Variants in SPATA17 observed in about 807,000 individuals in gnomAD.
SPATA17 encodes spermatogenesis associated 17, also known as spermatogenesis-associated protein 17.
In SPATA17, 53 loss-of-function variants were observed where a neutral mutation model predicts 62.2. That is an observed-to-expected ratio of 0.85 (90% CI 0.68 to 1.07). The LOEUF (loss-of-function observed/expected upper bound fraction) is 1.07, where lower values mean the gene tolerates loss of function less well. Ranked by LOEUF, SPATA17 falls within the 50% of genes least tolerant of loss-of-function variation. SPATA17 has a pLI of 0.00. For synonymous variants in SPATA17, 146 were observed against 146.8 expected (o/e 0.99, Z 0.04); for missense variants, 466 against 425.5 (o/e 1.10, Z -0.84).
At chr1:217,745,938 A>ATCCT (rs1672737939) in intron 6 of SPATA17, among the ~76,000 whole-genome samples, 1 of 152,094 alleles carries the variant, frequency 6.6e-6, no homozygotes. Flanking sequence ...AGATTCAGAG[A>ATCCT]ACAAAAGACA....
At chr1:217,783,866 G>T (rs1673791430) in intron 8 of SPATA17, among the ~76,000 whole-genome samples, 1 of 151,978 alleles carries the variant, frequency 6.6e-6, no homozygotes, top group Non-Finnish European at 1.5e-5. Flanking sequence ...TGGAATACTT[G>T]TACATATCTT....
rs556912650 is a variant in SPATA17, at chr1:217,784,001, A to T, written c.872+1679A>T. ...AGATGCTAAAAAAAATTTCTTATAG[A>T]TTCAAATCTATTATTTTTTTTTTGC... On this transcript the variant is annotated intron_variant, in intron 8 of 10. Transcript: ENST00000366933. Among the ~76,000 whole-genome samples, 18 of 152,182 alleles carry T rather than the reference A, an allele frequency of 1.2e-4. No homozygotes were observed. In the South Asian group the frequency reaches 3.7e-3, roughly 32 times the overall value.
intron 5 of SPATA17, among the ~76,000 whole-genome samples, chr1:217,723,358 A>G (rs886842139): frequency 6.6e-6 from 1 of 152,168 alleles, no homozygotes; most frequent in Non-Finnish European, 1.5e-5. Context: ...TCGGGGGCCC[A>G]TAAAAGATTT....
At chr1:217,675,303 T>G (rs141695786) in intron 4 of SPATA17, among the ~76,000 whole-genome samples, 233 of 152,320 alleles carry the variant, frequency 1.5e-3, no homozygotes, top group African/African-American at 5.5e-3. Context: ...TGCCCTGCAA[T>G]TCTCCTAAAA....
Position 217,868,836 on chromosome 1 carries a change from A to T in SPATA17, c.*1817A>T, listed in dbSNP as rs4359081. The T allele has an allele frequency of 0.98, 149,408 of 152,216 alleles. 73,387 individuals are homozygous for T. The highest frequency in any genetic ancestry group is 1 in the East Asian group (5,150 of 5,150). 9.4% of individuals were successfully genotyped at this position (152,216 alleles called of 1,614,324 possible). Reference sequence around the variant, plus strand: ...CTGGGACCACAGGCATGGGCCAACAAGCCTGGCTAAATATTTTGTACTTTT... The same window carrying T: ...CTGGGACCACAGGCATGGGCCAACATGCCTGGCTAAATATTTTGTACTTTT... On this transcript the variant is annotated 3_prime_UTR_variant, in exon 11 of 11. Coordinates refer to ENST00000366933, the MANE Select transcript of SPATA17 (RefSeq NM_138796.4).
At chr1:217,767,608 C>A (rs1673331014) in intron 6 of SPATA17, among the ~76,000 whole-genome samples, 1 of 152,046 alleles carries the variant, frequency 6.6e-6, no homozygotes, top group African/African-American at 2.4e-5. Flanking sequence ...TTGACGTATC[C>A]TCAAGTTCAG....
At chr1:217,652,606 T>G (rs1670347156) in intron 3 of SPATA17, among the ~76,000 whole-genome samples, 3 of 152,150 alleles carry the variant, frequency 2.0e-5, no homozygotes, top group Non-Finnish European at 4.4e-5. Context: ...ACTCTTTGAA[T>G]TACTCTGAAA....
chr1:217,833,355 C>A (rs745359548), intron 9 of SPATA17, among the ~76,000 whole-genome samples: 2 of 152,272 alleles, frequency 1.3e-5, no homozygotes, highest in South Asian at 2.1e-4. Context: ...CATATTGAAA[C>A]TTACATGTAA....
chr1:217,738,337 C>G (rs1301178241), intron 5 of SPATA17, among the ~76,000 whole-genome samples: 8 of 152,280 alleles, frequency 5.3e-5, no homozygotes, highest in Middle Eastern at 6.8e-3. Flanking sequence ...AAAGTGCACT[C>G]TCATCCAGAG....
intron 9 of SPATA17, among the ~76,000 whole-genome samples, chr1:217,859,805 A>G (rs1044480536): frequency 2.0e-5 from 3 of 151,888 alleles, no homozygotes; most frequent in Non-Finnish European, 4.4e-5. Flanking sequence ...GTCTTGGTTC[A>G]CCTGGTTATG....
At chr1:217,773,876 A>T (rs965902615) in intron 6 of SPATA17, among the ~76,000 whole-genome samples, 1 of 151,938 alleles carries the variant, frequency 6.6e-6, no homozygotes, top group South Asian at 2.1e-4. Context: ...TAATTAAAAT[A>T]ATCAGTCAAA....
chr1:217,775,373 A>G (rs544244200), intron 7 of SPATA17, among the ~76,000 whole-genome samples: 4 of 152,158 alleles, frequency 2.6e-5, no homozygotes, highest in African/African-American at 4.8e-5. Context: ...CTCCCATTCT[A>G]TGGGCTCCTT....
At chr1:217,747,256 A>G (rs1183328289) in intron 6 of SPATA17, among the ~76,000 whole-genome samples, 1 of 152,170 alleles carries the variant, frequency 6.6e-6, no homozygotes, top group African/African-American at 2.4e-5. Flanking sequence ...CACATATAAG[A>G]CATATTTCCT....
intron 4 of SPATA17, among the ~76,000 whole-genome samples, chr1:217,679,800 C>T (rs1671036565): frequency 1.3e-5 from 2 of 152,114 alleles, no homozygotes; most frequent in African/African-American, 2.4e-5. Context: ...AAAGAGCCCA[C>T]ATTGTTGGAT....
In SPATA17 at chr1:217,835,832, T is replaced by C. The variant is rs541883913; in HGVS notation, c.1006-26942T>C. On this transcript the variant is annotated intron_variant, in intron 9 of 10. Coordinates refer to ENST00000366933, the MANE Select transcript of SPATA17 (RefSeq NM_138796.4). Reference sequence around the variant, plus strand: ...ACTCCTGTAGATAACATCACTATTGTAGAAGCTATGACTGGCATTTTGAGA... The same window carrying C: ...ACTCCTGTAGATAACATCACTATTGCAGAAGCTATGACTGGCATTTTGAGA... 3.9e-5 allele frequency among the ~76,000 whole-genome samples: 6 copies of C among 152,236 alleles called. No homozygotes were observed. The South Asian group carries it at 6.2e-4, about 16-fold the overall frequency.
intron 1 of SPATA17, among the ~76,000 whole-genome samples, chr1:217,648,678 G>A (rs1289136820): frequency 6.6e-6 from 1 of 152,140 alleles, no homozygotes; most frequent in Non-Finnish European, 1.5e-5. Flanking sequence ...GAAAGCACAT[G>A]GCTTCTCAGA....
chr1:217,643,915 A>G (rs1475905197), intron 1 of SPATA17, among the ~76,000 whole-genome samples: 1 of 151,892 alleles, frequency 6.6e-6, no homozygotes, highest in Non-Finnish European at 1.5e-5. Flanking sequence ...TTTTGTAGAG[A>G]CAGGGTTTCA....
At chr1:217,668,577 C>A (rs1414641345) in intron 3 of SPATA17, among the ~76,000 whole-genome samples, 1 of 152,154 alleles carries the variant, frequency 6.6e-6, no homozygotes, top group African/African-American at 2.4e-5. Flanking sequence ...CATCCATATC[C>A]TTGAACGATT....
chr1:217,866,457 G>GTTTGT (rs952648992), intron 10 of SPATA17: 7 of 152,116 alleles, frequency 4.6e-5, no homozygotes, highest in African/African-American at 1.7e-4. Flanking sequence ...TTTTTAGTTT[G>GTTTGT]TTTGTTTTTG....
Sources: allele counts gnomAD v4.1 joint callset (sites outside exome capture counted in the v4.1 genomes callset), GRCh38; gene constraint gnomAD v4.1.1; transcripts MANE v1.5; gene names NCBI Gene and HGNC (gene_info 2026-07-23, HGNC 2026-07-21).